PHF20: variants seen among roughly 807,000 people sequenced by gnomAD.
PHF20 encodes the protein glioma-expressed antigen 2.
Under a neutral mutation model 113.5 loss-of-function variants are expected in PHF20, and 23 were observed. The ratio of observed to expected loss-of-function variants is 0.20; its 90% confidence interval spans 0.15 to 0.29. PHF20 has a LOEUF of 0.29. PHF20 is among the 10% of genes least tolerant of loss of function. PHF20 has a pLI of 1.00. For missense variants in PHF20, 943 were observed against 1,219.6 expected (o/e 0.77, Z 3.38); for synonymous variants, 434 against 457.3 (o/e 0.95, Z 0.65).
chr20:35,870,262 C>G (rs1420922221), intron 7 of PHF20, among the ~76,000 whole-genome samples: 2 of 146,816 alleles, frequency 1.4e-5, no homozygotes, highest in African/African-American at 5.1e-5. Flanking sequence ...CGAGATCGCG[C>G]CACTGCACTC....
chr20:35,827,858 C>T (rs1366743064), intron 2 of PHF20, among the ~76,000 whole-genome samples: 1 of 151,412 alleles, frequency 6.6e-6, no homozygotes, highest in Non-Finnish European at 1.5e-5. Context: ...CTTGATTGTG[C>T]CTCTTCCTAG....
In PHF20 at chr20:35,791,471, ATC is replaced by A. The variant is rs1600734572; in HGVS notation, c.-32-10018_-32-10017del. Among the ~76,000 whole-genome samples the A allele has an allele frequency of 4.6e-4, 61 of 133,372 alleles. 3 individuals are homozygous for A. The East Asian group carries it at 0.012, about 26-fold the overall frequency. 87.5% of individuals were successfully genotyped at this position (133,372 alleles called of 152,430 possible). A position where few individuals can be genotyped will look rare whatever the true frequency, so the allele number is the denominator to read the frequency against. ...TATCTATCTATCTATCTATCTATCTATCTATCTATCTATCTATCTATCTATCT... is the reference window on the plus strand; with the variant it reads ...TATCTATCTATCTATCTATCTATCTATATCTATCTATCTATCTATCTATCT... On this transcript the variant is annotated intron_variant, in intron 1 of 17. Transcript: ENST00000374012.
chr20:35,902,759 T>G (rs1352558961), intron 10 of PHF20, among the ~76,000 whole-genome samples: 1 of 152,240 alleles, frequency 6.6e-6, no homozygotes, highest in Non-Finnish European at 1.5e-5. Context: ...TTTTCCCATC[T>G]GTGAAATAGA....
rs2056125182 is a variant in PHF20 at position 35,948,535 on chromosome 20, C to G, written c.*908C>G. On this transcript the variant is annotated 3_prime_UTR_variant, in exon 18 of 18. Coordinates refer to ENST00000374012, the MANE Select transcript of PHF20 (RefSeq NM_016436.5). ...TATTGTTGTAAACAAACTTCAAATT[C>G]TACATGTGCGACTTTTCTCCTTCCT... The G allele has an allele frequency of 6.6e-6, 1 of 152,648 alleles. No homozygotes were observed. The highest frequency in any genetic ancestry group is 1.5e-5 in the Non-Finnish European group (1 of 68,038). The allele number at this position is 152,648 out of a possible 1,614,324, so 9.5% of individuals were successfully genotyped here. A position where few individuals can be genotyped will look rare whatever the true frequency, so the allele number is the denominator to read the frequency against.
intron 9 of PHF20, among the ~76,000 whole-genome samples, chr20:35,891,539 C>T (rs911188961): frequency 2.0e-5 from 3 of 152,020 alleles, no homozygotes; most frequent in East Asian, 1.9e-4. Flanking sequence ...GCTGAGAGAC[C>T]GGGGTGAAGG....
At chr20:35,820,682 C>T (rs925337380) in intron 2 of PHF20, among the ~76,000 whole-genome samples, 4 of 151,988 alleles carry the variant, frequency 2.6e-5, no homozygotes, top group East Asian at 1.9e-4. Flanking sequence ...ATCTCCTGAC[C>T]TCGTGATCTG....
intron 13 of PHF20, among the ~76,000 whole-genome samples, chr20:35,920,263 A>G (rs1023881970): frequency 6.6e-6 from 1 of 152,208 alleles, no homozygotes; most frequent in Admixed American, 6.5e-5. Context: ...TCTGTATAAT[A>G]TCCTTGAGAT....
intron 12 of PHF20, among the ~76,000 whole-genome samples, chr20:35,915,997 T>G (rs1051587103): frequency 3.3e-5 from 5 of 152,044 alleles, no homozygotes; most frequent in Admixed American, 2.0e-4. Context: ...GTTAGCCGGT[T>G]GTTGTGGCAT....
intron 6 of PHF20, among the ~76,000 whole-genome samples, chr20:35,864,895 C>T (rs538521889): frequency 1.6e-4 from 25 of 152,152 alleles, no homozygotes; most frequent in African/African-American, 6.0e-4. Context: ...TGTAACACAC[C>T]TCGATTTTAA....
intron 2 of PHF20, among the ~76,000 whole-genome samples, chr20:35,820,929 G>A (rs542640078): frequency 8.5e-5 from 13 of 152,160 alleles, no homozygotes; most frequent in African/African-American, 3.1e-4. Flanking sequence ...AGGCAGCCAA[G>A]GCAGAAGCCC....
intron 16 of PHF20, among the ~76,000 whole-genome samples, chr20:35,940,487 C>T (rs1052778503): frequency 8.6e-5 from 13 of 151,908 alleles, no homozygotes; most frequent in Admixed American, 3.3e-4. Context: ...CTCGCACATT[C>T]GCAGGAGATG....
chr20:35,815,217 A>G (rs942838687), intron 2 of PHF20, among the ~76,000 whole-genome samples: 21 of 152,192 alleles, frequency 1.4e-4, no homozygotes, highest in African/African-American at 4.6e-4. Context: ...ATAAATAAAT[A>G]AGTAAATAAA....
chr20:35,841,559 C>G (rs1306646205), intron 2 of PHF20, among the ~76,000 whole-genome samples: 1 of 151,924 alleles, frequency 6.6e-6, no homozygotes, highest in Non-Finnish European at 1.5e-5. Flanking sequence ...ATCATGAGGT[C>G]AAGAGATCGA....
intron 2 of PHF20, among the ~76,000 whole-genome samples, chr20:35,815,020 A>G (rs2042046554): frequency 6.7e-6 from 1 of 148,954 alleles, no homozygotes; most frequent in Non-Finnish European, 1.5e-5. Flanking sequence ...ACATGATGAA[A>G]CCCCGTCTCT....
intron 2 of PHF20, among the ~76,000 whole-genome samples, chr20:35,840,153 A>G (rs1034295995): frequency 2.6e-5 from 4 of 152,202 alleles, no homozygotes; most frequent in Non-Finnish European, 1.5e-5. Context: ...GGTTGCAGGG[A>G]GAAAATACAG....
intron 4 of PHF20, chr20:35,855,295 A>C: frequency 7.6e-7 from 1 of 1,309,824 alleles, no homozygotes; most frequent in Non-Finnish European, 1.0e-6. Flanking sequence ...CTTTGTTGTA[A>C]GTACTCATAA....
chr20:35,850,286 T>C (rs1189289673), intron 4 of PHF20, among the ~76,000 whole-genome samples: 1 of 146,170 alleles, frequency 6.8e-6, no homozygotes, highest in African/African-American at 2.5e-5. Context: ...GCTGCTTAGC[T>C]TCCCCCTCCG....
Position 35,842,744 on chromosome 20 carries a change from T to G in PHF20, c.255T>G (p.Ser85=), listed in dbSNP as rs374414234. The G allele has an allele frequency of 3.7e-6, 6 of 1,612,490 alleles. No individual in the cohort carries two copies. The highest frequency in any genetic ancestry group is 5.1e-6 in the Non-Finnish European group (6 of 1,179,402). Residue 85 remains serine (S), a splice_region_variant and synonymous_variant, in exon 3 of 18, where the codon TCT becomes TCG. Transcript: ENST00000374012. The part of the protein sequence containing the change: ...KEGLHEEDGS[S]EFQINEQVLA... Reference sequence around the variant, plus strand: ...GCTTGCATGAAGAGGATGGATCTTCTGTGAGTAACAAATCTGGGAAGTTCT... The same window carrying G: ...GCTTGCATGAAGAGGATGGATCTTCGGTGAGTAACAAATCTGGGAAGTTCT...
intron 1 of PHF20, among the ~76,000 whole-genome samples, chr20:35,774,169 G>C (rs1203802634): frequency 6.6e-6 from 1 of 151,004 alleles, no homozygotes; most frequent in African/African-American, 2.4e-5. Context: ...TGCAAGCTCC[G>C]CCTCCCGGGT....
Sources: allele counts gnomAD v4.1 joint callset (sites outside exome capture counted in the v4.1 genomes callset), GRCh38; gene constraint gnomAD v4.1.1; transcripts MANE v1.5; gene names NCBI Gene and HGNC (gene_info 2026-07-23, HGNC 2026-07-21).